The following DPF3 variants were observed in gnomAD, a reference collection of about 807,000 sequenced individuals.
DPF3 encodes zinc finger protein DPF3.
In DPF3, 18 loss-of-function variants were observed where a neutral mutation model predicts 56.8. That is an observed-to-expected ratio of 0.32 (90% confidence interval 0.22 to 0.47). The LOEUF is 0.47. Among genes scored for constraint, DPF3 ranks in the 20% least tolerant of loss-of-function variants. The pLI is 1.00. For synonymous variants in DPF3, 188 were observed against 180.2 expected, an observed-to-expected ratio of 1.04 and a Z score of -0.35; for missense variants, 403 against 488.8, an observed-to-expected ratio of 0.82 and a Z score of 1.65.
intron 1 of DPF3, among the ~76,000 whole-genome samples, chr14:72,823,286 C>T (rs181394828): frequency 1.8e-3 from 272 of 152,308 alleles, no homozygotes; most frequent in Non-Finnish European, 2.0e-3. Flanking sequence ...GAATCTAGGT[C>T]TCCCTTCTTT....
intron 1 of DPF3, among the ~76,000 whole-genome samples, chr14:72,778,145 C>G (rs1891823251): frequency 6.6e-6 from 1 of 152,170 alleles, no homozygotes; most frequent in Non-Finnish European, 1.5e-5. Flanking sequence ...TCTTGAACTT[C>G]CCAGCCTCCA....
chr14:72,645,278 A>G (rs1885686836), intron 8 of DPF3, among the ~76,000 whole-genome samples: 1 of 151,908 alleles, frequency 6.6e-6, no homozygotes, highest in African/African-American at 2.4e-5. Flanking sequence ...CAAAGCAAAC[A>G]GAGATGCTAA....
intron 1 of DPF3, among the ~76,000 whole-genome samples, chr14:72,801,529 G>A (rs1419949234): frequency 6.6e-6 from 1 of 152,182 alleles, no homozygotes; most frequent in Non-Finnish European, 1.5e-5. Flanking sequence ...TCAGGCAATT[G>A]CTTAGAAAAC....
At chr14:72,767,659 A>T (rs2139934518) in intron 2 of DPF3, among the ~76,000 whole-genome samples, 2 of 151,284 alleles carry the variant, frequency 1.3e-5, no homozygotes, top group Middle Eastern at 6.8e-3. Context: ...ATAACAAAAG[A>T]TCTAACATTT....
chr14:72,660,521 C>T (rs1455775392), intron 8 of DPF3, among the ~76,000 whole-genome samples: 6 of 152,184 alleles, frequency 3.9e-5, no homozygotes, highest in African/African-American at 9.7e-5. Context: ...AAGCCTACCC[C>T]GGGGGTTCCA....
chr14:72,758,918 G>A (rs1375609718), intron 2 of DPF3, among the ~76,000 whole-genome samples: 2 of 152,180 alleles, frequency 1.3e-5, no homozygotes, highest in African/African-American at 4.8e-5. Flanking sequence ...TTCACAATGT[G>A]AGGCACCCAA....
At chr14:72,762,853 A>T (rs1053508803) in intron 2 of DPF3, among the ~76,000 whole-genome samples, 1 of 152,008 alleles carries the variant, frequency 6.6e-6, no homozygotes, top group African/African-American at 2.4e-5. Flanking sequence ...ACAGATAATC[A>T]ACTATATAGA....
intron 8 of DPF3, among the ~76,000 whole-genome samples, chr14:72,654,394 C>T (rs1412275364): frequency 1.3e-5 from 2 of 152,204 alleles, no homozygotes; most frequent in Non-Finnish European, 2.9e-5. Flanking sequence ...GGTCCCTTTC[C>T]TGAGCCTAAC....
At chr14:72,875,320 T>C (rs1416842401) in intron 1 of DPF3, among the ~76,000 whole-genome samples, 1 of 152,044 alleles carries the variant, frequency 6.6e-6, no homozygotes, top group Admixed American at 6.5e-5. Context: ...GGTGGGAGGA[T>C]TGCTTGAGCC....
At chr14:72,838,756 CA>C (rs71109752) in intron 1 of DPF3, among the ~76,000 whole-genome samples, 74,886 of 145,124 alleles carry the variant, frequency 0.52, 19,519 homozygotes, top group East Asian at 0.84. Context: ...GACTCCGTCT[CA>C]AAAAAAAAAA....
At chr14:72,863,408 C>A (rs964098061) in intron 1 of DPF3, among the ~76,000 whole-genome samples, 3 of 151,290 alleles carry the variant, frequency 2.0e-5, no homozygotes, top group Admixed American at 1.3e-4. Context: ...AGAAGATTAC[C>A]GAGAAAGGGA....
chr14:72,722,593 A>C (rs974297880), intron 5 of DPF3, among the ~76,000 whole-genome samples: 3 of 152,234 alleles, frequency 2.0e-5, no homozygotes, highest in Admixed American at 1.3e-4. Context: ...GCAAACCCAC[A>C]GAATGCCTGG....
chr14:72,866,712 TG>T (rs749147224), intron 1 of DPF3, among the ~76,000 whole-genome samples: 6 of 150,374 alleles, frequency 4.0e-5, no homozygotes, highest in Admixed American at 1.3e-4. Flanking sequence ...CAAAATTAGC[TG>T]GGCATGGTGG....
At chr14:72,791,122 T>G (rs796921189) in intron 1 of DPF3, among the ~76,000 whole-genome samples, 1 of 152,134 alleles carries the variant, frequency 6.6e-6, no homozygotes, top group African/African-American at 2.4e-5. Flanking sequence ...TCTGGTGACC[T>G]TCCCCACTCC....
chr14:72,631,348 GTGTGAACAGCCAGC>G (rs1885159632), intron 8 of DPF3, among the ~76,000 whole-genome samples: 1 of 152,212 alleles, frequency 6.6e-6, no homozygotes, highest in African/African-American at 2.4e-5. Flanking sequence ...TTAAAAGCCT[GTGTGAACAGCCAGC>G]TGATATTCTT....
At position 72,611,582 on chromosome 14, in the gene DPF3, C is replaced by G. The variant is rs17118542; in HGVS notation, c.*7715G>C. Among the ~76,000 whole-genome samples the G allele has an allele frequency of 6.6e-6, 1 of 152,096 alleles. No individual in the cohort carries two copies. The highest frequency in any genetic ancestry group is 6.5e-5 in the Admixed American group (1 of 15,288). On this transcript the variant is annotated 3_prime_UTR_variant, in exon 11 of 11. Transcript: ENST00000556509. ...CCACTGTGGGGGTCATTTTCTGCCT[C>G]TGATCAGGCCCTGCCAGTTGCACCT...
chr14:72,659,823 A>G (rs2803980), intron 8 of DPF3, among the ~76,000 whole-genome samples: 80,042 of 152,204 alleles, frequency 0.53, 22,640 homozygotes, highest in East Asian at 0.87. Context: ...CAAAAGATAC[A>G]TGGATAAGCT....
intron 1 of DPF3, among the ~76,000 whole-genome samples, chr14:72,837,480 G>A (rs1476137468): frequency 6.6e-6 from 1 of 152,058 alleles, no homozygotes; most frequent in Non-Finnish European, 1.5e-5. Flanking sequence ...GCTCACGCCT[G>A]TAATCCCAGC....
intron 8 of DPF3, among the ~76,000 whole-genome samples, chr14:72,667,307 G>T (rs1323538915): frequency 6.6e-6 from 1 of 152,100 alleles, no homozygotes; most frequent in African/African-American, 2.4e-5. Context: ...GTTCTAGGTA[G>T]GGAAAAAAAT....
Sources: gnomAD v4.1 joint callset for allele counts (sites outside exome capture counted in the v4.1 genomes callset) on GRCh38, gnomAD v4.1.1 for gene constraint, MANE v1.5 for transcripts, NCBI Gene and HGNC (gene_info 2026-07-23, HGNC 2026-07-21) for gene names.